Variants in TCERG1L observed in about 807,000 individuals in gnomAD.
TCERG1L encodes transcription elongation regulator 1-like protein.
TCERG1L carries 37 observed loss-of-function variants against 56.3 expected under a neutral mutation model. The observed-to-expected ratio is 0.66, with a 90% CI of 0.51 to 0.87. TCERG1L has a LOEUF of 0.87. Among genes scored for constraint, TCERG1L ranks in the 40% least tolerant of loss-of-function variants. The pLI, the probability that TCERG1L is intolerant of heterozygous loss-of-function variation, is 0.00. For synonymous variants in TCERG1L, 324 were observed against 326.3 expected, an observed-to-expected ratio of 0.99 and a Z score of 0.08; for missense variants, 799 against 774.2, an observed-to-expected ratio of 1.03 and a Z score of -0.38.
At chr10:131,119,892 A>G (rs1845496533) in intron 8 of TCERG1L, among the ~76,000 whole-genome samples, 1 of 152,136 alleles carries the variant, frequency 6.6e-6, no homozygotes, top group Non-Finnish European at 1.5e-5. Flanking sequence ...CGTTAAGGGA[A>G]CCCATGGATT....
intron 4 of TCERG1L, among the ~76,000 whole-genome samples, chr10:131,219,549 A>G (rs1158880836): frequency 6.6e-6 from 1 of 152,004 alleles, no homozygotes; most frequent in Non-Finnish European, 1.5e-5. Context: ...CACAAAGGCC[A>G]CTCTGCAGTC....
chr10:131,260,361 C>A lies in TCERG1L; in HGVS notation c.754G>T (p.Asp252Tyr). 1 of 1,496,658 alleles carries A rather than the reference C, an allele frequency of 6.7e-7. No homozygotes were observed. The highest frequency in any genetic ancestry group is 8.8e-7 in the Non-Finnish European group (1 of 1,133,158). The allele number at this position is 1,496,658 out of a possible 1,614,324, so 92.7% of individuals were successfully genotyped here. A position where few individuals can be genotyped will look rare whatever the true frequency, so the allele number is the denominator to read the frequency against. Reference protein sequence around the residue: ...TAAAAAMVSVDPENLRGPSPS... With the variant: ...TAAAAAMVSVYPENLRGPSPS... The stretch of plus-strand genomic sequence containing the variant: ...GACGGGCCCCGGAGGTTCTCAGGGT[C>A]CACGGAGACCATGGCAGCGGCGGCG... The change falls in exon 4 of 12, where the codon GAC (aspartate) becomes TAC (tyrosine). Residue 252 changes from aspartate (D) to tyrosine (Y), a missense_variant. Physicochemically the swap from Asp to Tyr is radical, Grantham distance 160 (BLOSUM62 -3). Coordinates refer to ENST00000368642, the MANE Select transcript of TCERG1L (RefSeq NM_174937.4). The surrounding 1 kb of genome is among the most constrained non-coding windows in gnomAD (Gnocchi z 5.8).
At chr10:131,306,780 A>T (rs1012710643) in intron 3 of TCERG1L, among the ~76,000 whole-genome samples, 8 of 152,210 alleles carry the variant, frequency 5.3e-5, no homozygotes, top group Non-Finnish European at 8.8e-5. Flanking sequence ...TAAGTAAATG[A>T]TGTCCATAAG....
At chr10:131,193,242 G>T (rs1450067466) in intron 4 of TCERG1L, among the ~76,000 whole-genome samples, 2 of 151,924 alleles carry the variant, frequency 1.3e-5, no homozygotes, top group African/African-American at 4.8e-5. Context: ...TGAGTTCTTT[G>T]TATGTCCTAA....
At chr10:131,093,955 C>T (rs528429612) in intron 11 of TCERG1L, among the ~76,000 whole-genome samples, 17 of 152,184 alleles carry the variant, frequency 1.1e-4, no homozygotes, top group Non-Finnish European at 2.4e-4. Flanking sequence ...AATGTCCAGC[C>T]CAGTGCCTGG....
intron 8 of TCERG1L, 112 bp from the exon 9 acceptor site, chr10:131,117,046 T>C (rs1482968914): frequency 7.4e-7 from 1 of 1,357,264 alleles, no homozygotes; most frequent in African/African-American, 1.5e-5. Flanking sequence ...ACAGTCTCCT[T>C]GACAACTCTT....
intron 4 of TCERG1L, among the ~76,000 whole-genome samples, chr10:131,252,985 C>T (rs997650288): frequency 7.2e-5 from 11 of 152,170 alleles, no homozygotes; most frequent in Admixed American, 5.2e-4. Flanking sequence ...CAGGGACCCC[C>T]GGGGATGGCA....
chr10:131,167,603 G>T (rs1400821024), intron 4 of TCERG1L, among the ~76,000 whole-genome samples: 1 of 152,196 alleles, frequency 6.6e-6, no homozygotes, highest in East Asian at 1.9e-4. Flanking sequence ...CCTTGCTGAG[G>T]TTCTGCCAGC....
chr10:131,261,099 C>T (rs528847833), intron 3 of TCERG1L, among the ~76,000 whole-genome samples: 1 of 152,288 alleles, frequency 6.6e-6, no homozygotes, highest in African/African-American at 2.4e-5. Flanking sequence ...CCCAGCTCAG[C>T]GTGGGTCGCT....
chr10:131,222,411 G>A (rs1031320482), intron 4 of TCERG1L, among the ~76,000 whole-genome samples: 3 of 152,214 alleles, frequency 2.0e-5, no homozygotes, highest in Non-Finnish European at 4.4e-5. Flanking sequence ...TCAACTTCTA[G>A]AGCAAAATTC....
chr10:131,133,186 C>A (rs1443147924), intron 8 of TCERG1L, among the ~76,000 whole-genome samples: 23 of 152,198 alleles, frequency 1.5e-4, no homozygotes, highest in Admixed American at 1.5e-3. Context: ...TCAAGCCCAG[C>A]TCTTGCTCCC....
chr10:131,242,520 C>T (rs1040309979), intron 4 of TCERG1L, among the ~76,000 whole-genome samples: 1 of 152,140 alleles, frequency 6.6e-6, no homozygotes, highest in Non-Finnish European at 1.5e-5. Context: ...ACGGCACCAG[C>T]GACTTTCAAG....
chr10:131,123,754 G>C (rs773082380), intron 8 of TCERG1L, among the ~76,000 whole-genome samples: 4 of 152,142 alleles, frequency 2.6e-5, no homozygotes, highest in Non-Finnish European at 5.9e-5. Flanking sequence ...GTAGCACCCG[G>C]GGAGCCAGGG....
chr10:131,220,883 T>C (rs759567244), intron 4 of TCERG1L, among the ~76,000 whole-genome samples: 7 of 152,312 alleles, frequency 4.6e-5, no homozygotes, highest in Admixed American at 2.0e-4. Context: ...TGCCCTCGTA[T>C]GTGTGGTCTT....
At chr10:131,221,460 C>T (rs537160493) in intron 4 of TCERG1L, among the ~76,000 whole-genome samples, 7 of 152,180 alleles carry the variant, frequency 4.6e-5, no homozygotes, top group Admixed American at 1.3e-4. Context: ...CAGGAAACAC[C>T]CTCCACCTTG....
At chr10:131,158,863 CGAGAGGGAG>C (rs1845949216) in intron 6 of TCERG1L, among the ~76,000 whole-genome samples, 1 of 152,194 alleles carries the variant, frequency 6.6e-6, no homozygotes, top group South Asian at 2.1e-4. Context: ...GGCTTGGCCG[CGAGAGGGAG>C]GAGAGTCAGC....
At chr10:131,211,275 C>T (rs1005626163) in intron 4 of TCERG1L, among the ~76,000 whole-genome samples, 2 of 152,210 alleles carry the variant, frequency 1.3e-5, no homozygotes, top group African/African-American at 4.8e-5. Context: ...GGCCTTCAGG[C>T]CCCCAGCAGA....
At chr10:131,112,328 G>A (rs1043819987) in intron 9 of TCERG1L, among the ~76,000 whole-genome samples, 4 of 142,312 alleles carry the variant, frequency 2.8e-5, no homozygotes, top group African/African-American at 2.5e-5. Context: ...CAGCCCACCC[G>A]GCCCCTCCTG....
chr10:131,115,753 A>G (rs1206816076), intron 9 of TCERG1L, among the ~76,000 whole-genome samples: 2 of 152,128 alleles, frequency 1.3e-5, no homozygotes, highest in Non-Finnish European at 2.9e-5. Context: ...TTCCTCCATA[A>G]AATTCCTAAG....
Sources: allele counts gnomAD v4.1 joint callset (sites outside exome capture counted in the v4.1 genomes callset), GRCh38; gene constraint gnomAD v4.1.1; non-coding constraint Gnocchi (gnomAD v3.1); transcripts MANE v1.5; gene names NCBI Gene and HGNC (gene_info 2026-07-23, HGNC 2026-07-21).